KCTD8: variants seen among roughly 807,000 people sequenced by gnomAD.
The protein encoded by KCTD8 is potassium channel tetramerization domain containing 8, also known as BTB/POZ domain-containing protein KCTD8.
A neutral mutation model predicts 31.5 loss-of-function variants in KCTD8; 27 were observed. The observed-to-expected ratio is 0.86, with a 90% confidence interval of 0.63 to 1.18. KCTD8 has a LOEUF of 1.18. Ranked by LOEUF, KCTD8 falls within the 50% of genes most tolerant of loss-of-function variation. The pLI is 0.00. For synonymous variants in KCTD8, 290 were observed against 280.0 expected, an observed-to-expected ratio of 1.04 and a Z score of -0.36; for missense variants, 658 against 647.7, an observed-to-expected ratio of 1.02 and a Z score of -0.17.
chr4:44,370,958 T>A (rs1252580978), intron 1 of KCTD8, among the ~76,000 whole-genome samples: 1 of 152,076 alleles, frequency 6.6e-6, no homozygotes, highest in Non-Finnish European at 1.5e-5. Flanking sequence ...TTGGCTCATA[T>A]GATATGGAAG....
Position 44,174,074 on chromosome 4 carries a change from T to C in KCTD8, c.*716A>G, listed in dbSNP as rs1342222254. On this transcript the variant is annotated 3_prime_UTR_variant, in exon 2 of 2. Coordinates refer to ENST00000360029, the MANE Select transcript of KCTD8 (RefSeq NM_198353.3). ...ATCATGACTAGCATTAGTAAATGAA[T>C]GTTGATGCCATAAATAACAGTATAA... 2.0e-5 allele frequency: 3 copies of C among 152,160 alleles called. No individual in the cohort carries two copies. The highest frequency in any genetic ancestry group is 4.4e-5 in the Non-Finnish European group (3 of 68,016). The allele number at this position is 152,160 out of a possible 1,614,324, so 9.4% of individuals were successfully genotyped here.
intron 1 of KCTD8, among the ~76,000 whole-genome samples, chr4:44,294,047 A>G (rs1297696421): frequency 6.6e-6 from 1 of 152,322 alleles, no homozygotes; most frequent in East Asian, 1.9e-4. Flanking sequence ...GAAAAGGATA[A>G]TGTTCATTTT....
intron 1 of KCTD8, among the ~76,000 whole-genome samples, chr4:44,442,005 T>A (rs146705471): frequency 6.6e-6 from 1 of 152,144 alleles, no homozygotes; most frequent in African/African-American, 2.4e-5. Flanking sequence ...ACTTATTAAA[T>A]GTATAAAACC....
intron 1 of KCTD8, among the ~76,000 whole-genome samples, chr4:44,314,348 A>C (rs1718046443): frequency 6.6e-6 from 1 of 152,196 alleles, no homozygotes; most frequent in Non-Finnish European, 1.5e-5. Flanking sequence ...TATTAGGCTG[A>C]AGTTACAGAA....
At chr4:44,283,025 T>TTTACTATTATTA (rs556074779) in intron 1 of KCTD8, among the ~76,000 whole-genome samples, 4 of 136,330 alleles carry the variant, frequency 2.9e-5, no homozygotes, top group Non-Finnish European at 6.2e-5. Flanking sequence ...AACAACACAT[T>TTTACTATTATTA]TTATTATTAT....
intron 1 of KCTD8, among the ~76,000 whole-genome samples, chr4:44,445,680 A>C (rs1205061280): frequency 1.3e-5 from 2 of 152,208 alleles, no homozygotes; most frequent in African/African-American, 4.8e-5. Context: ...ACCAAAACCA[A>C]GTAAGATTTT....
At chr4:44,317,522 AGCC>A (rs1248644951) in intron 1 of KCTD8, among the ~76,000 whole-genome samples, 5 of 140,750 alleles carry the variant, frequency 3.6e-5, no homozygotes, top group African/African-American at 1.6e-4. Flanking sequence ...TACAGGCGTG[AGCC>A]ACCGCGCCCG....
At chr4:44,194,585 T>C (rs533050202) in intron 1 of KCTD8, among the ~76,000 whole-genome samples, 98 of 152,302 alleles carry the variant, frequency 6.4e-4, no homozygotes, top group Non-Finnish European at 1.2e-3. Context: ...ATAACTTTCC[T>C]TGAAGTGCTG....
chr4:44,375,502 G>T (rs1390945176), intron 1 of KCTD8, among the ~76,000 whole-genome samples: 1 of 152,174 alleles, frequency 6.6e-6, no homozygotes, highest in African/African-American at 2.4e-5. Context: ...TCTGTTCCTG[G>T]TTTCTCACTC....
intron 1 of KCTD8, among the ~76,000 whole-genome samples, chr4:44,431,342 C>A (rs538141621): frequency 6.9e-4 from 105 of 151,564 alleles, no homozygotes; most frequent in Non-Finnish European, 1.2e-3. Flanking sequence ...TTCATGTCTT[C>A]TCTTGTCTCA....
At chr4:44,287,884 C>T (rs1577594824) in intron 1 of KCTD8, among the ~76,000 whole-genome samples, 1 of 152,054 alleles carries the variant, frequency 6.6e-6, no homozygotes, top group African/African-American at 2.4e-5. Context: ...TGCATTCATT[C>T]AAGGAATCCA....
intron 1 of KCTD8, among the ~76,000 whole-genome samples, chr4:44,267,247 A>G (rs1716408108): frequency 2.0e-5 from 3 of 152,230 alleles, no homozygotes; most frequent in African/African-American, 7.2e-5. Flanking sequence ...AACTCACTCA[A>G]AACCGCTGAA....
At chr4:44,433,347 A>G (rs949279586) in intron 1 of KCTD8, among the ~76,000 whole-genome samples, 1 of 151,712 alleles carries the variant, frequency 6.6e-6, no homozygotes, top group African/African-American at 2.4e-5. Flanking sequence ...AAGAGTATAA[A>G]CTTTCACTAA....
chr4:44,224,147 G>A (rs1714882770), intron 1 of KCTD8, among the ~76,000 whole-genome samples: 1 of 152,066 alleles, frequency 6.6e-6, no homozygotes, highest in African/African-American at 2.4e-5. Context: ...CATTATATGA[G>A]TTCCTTTGAA....
chr4:44,190,539 T>G (rs958212977), intron 1 of KCTD8, among the ~76,000 whole-genome samples: 1 of 152,204 alleles, frequency 6.6e-6, no homozygotes, highest in East Asian at 1.9e-4. Flanking sequence ...TAACCTAGAC[T>G]TGGCCAATCA....
At chr4:44,389,850 T>C (rs1720321622) in intron 1 of KCTD8, among the ~76,000 whole-genome samples, 1 of 151,876 alleles carries the variant, frequency 6.6e-6, no homozygotes, top group East Asian at 1.9e-4. Flanking sequence ...ATAAAAGTTA[T>C]ACCAATTGGT....
At chr4:44,242,607 AC>A (rs1393605846) in intron 1 of KCTD8, among the ~76,000 whole-genome samples, 4 of 150,396 alleles carry the variant, frequency 2.7e-5, no homozygotes, top group African/African-American at 1.0e-4. Context: ...AACAAACAAA[AC>A]AAAAAAAAAA....
intron 1 of KCTD8, among the ~76,000 whole-genome samples, chr4:44,356,131 A>C (rs1719336064): frequency 6.6e-6 from 1 of 152,166 alleles, no homozygotes; most frequent in Non-Finnish European, 1.5e-5. Context: ...TCCTCAACTT[A>C]TTCTGAATCT....
chr4:44,185,835 T>C (rs112546760), intron 1 of KCTD8, among the ~76,000 whole-genome samples: 5 of 152,014 alleles, frequency 3.3e-5, no homozygotes, highest in Non-Finnish European at 5.9e-5. Context: ...GTTATTTCTG[T>C]ACTCAGTTTA....
Sources: allele counts gnomAD v4.1 joint callset (sites outside exome capture counted in the v4.1 genomes callset), GRCh38; gene constraint gnomAD v4.1.1; transcripts MANE v1.5; gene names NCBI Gene and HGNC (gene_info 2026-07-23, HGNC 2026-07-21).